The following AOPEP variants were observed in gnomAD, a reference collection of about 807,000 sequenced individuals.
AOPEP encodes the protein aminopeptidase O.
A neutral mutation model predicts 98.1 loss-of-function variants in AOPEP; 77 were observed. The ratio of observed to expected loss-of-function variants is 0.78; its 90% CI spans 0.65 to 0.95. AOPEP has a LOEUF of 0.95. Among genes scored for constraint, AOPEP ranks in the 40% least tolerant of loss-of-function variants. AOPEP has a pLI of 0.00. For missense variants in AOPEP, 1,024 were observed against 1,024.7 expected, an observed-to-expected ratio of 1.00 and a Z score of 0.01; for synonymous variants, 346 against 365.3, an observed-to-expected ratio of 0.95 and a Z score of 0.60.
At chr9:95,095,242 C>T in the AOPEP span, among the ~76,000 whole-genome samples, 50 of 152,274 alleles carry the variant, frequency 3.3e-4, no homozygotes, top group South Asian at 4.8e-3. Context: ...GGCTGTCCTC[C>T]GAAAAGGTGG....
At chr9:94,791,815 A>G (rs1845787398) in intron 3 of AOPEP, among the ~76,000 whole-genome samples, 1 of 152,092 alleles carries the variant, frequency 6.6e-6, no homozygotes, top group Non-Finnish European at 1.5e-5. Flanking sequence ...TTGCACCTGA[A>G]CCTAAAATAA....
intron 13 of AOPEP, 96 bp downstream of exon 13, chr9:95,005,712 A>T (rs1174660675): frequency 7.1e-6 from 7 of 985,320 alleles, no homozygotes; most frequent in Admixed American, 2.0e-5. Context: ...TGTTTAATTT[A>T]AAAAGTTTTT....
chr9:95,020,918 C>CA (rs55696602), intron 13 of AOPEP, among the ~76,000 whole-genome samples: 2,755 of 73,348 alleles, frequency 0.038, 225 homozygotes, highest in African/African-American at 0.13. Context: ...GACCTTGTCT[C>CA]AAAAAAAAAA....
chr9:95,142,675 T>C, the AOPEP span: 6 of 152,324 alleles, frequency 3.9e-5, no homozygotes, highest in South Asian at 1.2e-3. Context: ...CCACTATACT[T>C]ATAAAAGGGA....
intron 5 of AOPEP, among the ~76,000 whole-genome samples, chr9:94,839,499 A>C (rs1564232175): frequency 6.6e-6 from 1 of 152,142 alleles, no homozygotes. Flanking sequence ...CTGGGATTAC[A>C]GCTGTGAGCC....
rs1297581488 is a variant in AOPEP, at chr9:95,083,636, ACACCACACACAGCGCGTG to A, written c.*4+927_*4+944del. The stretch of plus-strand genomic sequence containing the variant: ...AGCGCGCACACTGCATGCAGCACAC[ACACCACACACAGCGCGTG>A]CACCACACAGAGCACCTGCGGCACA... On this transcript the variant is annotated intron_variant, in intron 16 of 16. Transcript: ENST00000375315. Among the ~76,000 whole-genome samples the A allele has an allele frequency of 4.0e-5, 6 of 150,492 alleles. No homozygotes were observed. In the East Asian group the frequency reaches 1.2e-3, roughly 30 times the overall value.
At chr9:94,953,937 T>C (rs2058282117) in intron 7 of AOPEP, among the ~76,000 whole-genome samples, 1 of 152,168 alleles carries the variant, frequency 6.6e-6, no homozygotes, top group African/African-American at 2.4e-5. Context: ...ATTTAAAATA[T>C]TTAAAATTTT....
chr9:95,005,494 T>C, intron 12 of AOPEP, 48 bp from the exon 13 acceptor site: 2 of 1,548,506 alleles, frequency 1.3e-6, no homozygotes, highest in Non-Finnish European at 1.8e-6. Context: ...GGGATGGCCG[T>C]CAGGACCCTG....
At chr9:94,969,539 C>T (rs560031098) in intron 10 of AOPEP, among the ~76,000 whole-genome samples, 1 of 151,786 alleles carries the variant, frequency 6.6e-6, no homozygotes, top group African/African-American at 2.4e-5. Context: ...TCCCGAGTAG[C>T]TGGGACTATA....
chr9:94,772,839 G>T (rs1485990939), intron 2 of AOPEP, among the ~76,000 whole-genome samples, 163 bp from the exon 3 acceptor site: 1 of 152,150 alleles, frequency 6.6e-6, no homozygotes, highest in African/African-American at 2.4e-5. Flanking sequence ...CACATAGCCA[G>T]CCCTTGGCAG....
At chr9:94,862,352 C>A (rs2135445477) in intron 5 of AOPEP, among the ~76,000 whole-genome samples, 1 of 150,034 alleles carries the variant, frequency 6.7e-6, no homozygotes, top group East Asian at 2.0e-4. Flanking sequence ...CAGGGAGGAT[C>A]TGGAGCACAG....
At chr9:95,004,410 G>A in intron 11 of AOPEP, 1 of 396,422 alleles carries the variant, frequency 2.5e-6, no homozygotes, top group Non-Finnish European at 5.1e-6. Context: ...GGGAGCGCGG[G>A]GCTGGGTTTC....
intron 13 of AOPEP, among the ~76,000 whole-genome samples, chr9:95,009,742 C>G (rs1448675391): frequency 6.6e-6 from 1 of 152,074 alleles, no homozygotes; most frequent in Non-Finnish European, 1.5e-5. Flanking sequence ...TTCTTTTCTG[C>G]CAGAACCCAA....
At position 94,760,087 on chromosome 9, in the gene AOPEP, T is replaced by C. The variant is rs767539468; in HGVS notation, c.304T>C (p.Cys102Arg). The C allele has an allele frequency of 6.2e-7, 1 of 1,614,184 alleles. No individual in the cohort carries two copies. Among genetic ancestry groups the C allele is most frequent in the South Asian group, 1.1e-5 (1 of 91,084 alleles). The change falls in exon 2 of 17, where the codon TGT becomes CGT. Residue 102 changes from cysteine (C) to arginine (R), a missense_variant. Around this residue, in one of 3 missense-constraint regions of AOPEP, gnomAD observed 440 missense variants for 433.8 expected, o/e 1.01. Coordinates refer to ENST00000375315, the MANE Select transcript of AOPEP (RefSeq NM_001193329.3). ...AATGGAATATAATGATTTTGCAATC[T>C]GTAGTAAAGGTGAAAAAGATACTTC... is the stretch of plus-strand genomic sequence containing the variant. ...SEMEYNDFAI[C>R]SKGEKDTSDK...
At chr9:94,960,440 A>G (rs1418689403) in intron 9 of AOPEP, among the ~76,000 whole-genome samples, 1 of 151,942 alleles carries the variant, frequency 6.6e-6, no homozygotes, top group Non-Finnish European at 1.5e-5. Context: ...GAGGAATTAA[A>G]TAGTTATGTA....
At chr9:95,032,044 A>G (rs946385755) in intron 13 of AOPEP, among the ~76,000 whole-genome samples, 3 of 152,202 alleles carry the variant, frequency 2.0e-5, no homozygotes, top group African/African-American at 7.2e-5. Flanking sequence ...TACATTAACC[A>G]TAACATGGAA....
the AOPEP span, among the ~76,000 whole-genome samples, chr9:95,124,251 G>A: frequency 1.4e-4 from 21 of 152,098 alleles, no homozygotes; most frequent in Non-Finnish European, 2.9e-4. Flanking sequence ...CACAGGGGCC[G>A]TGACATACTC....
At chr9:94,829,280 A>G (rs1049919168) in intron 5 of AOPEP, among the ~76,000 whole-genome samples, 56 of 152,262 alleles carry the variant, frequency 3.7e-4, no homozygotes, top group African/African-American at 1.3e-3. Flanking sequence ...AGGCCTGTTT[A>G]TTATTTCCTC....
At chr9:94,912,776 T>C (rs1174543234) in intron 5 of AOPEP, among the ~76,000 whole-genome samples, 1 of 152,080 alleles carries the variant, frequency 6.6e-6, no homozygotes, top group Non-Finnish European at 1.5e-5. Flanking sequence ...ACATGGTGCA[T>C]GAAGGTGTAG....
Sources: allele counts gnomAD v4.1 joint callset (sites outside exome capture counted in the v4.1 genomes callset), GRCh38; gene constraint gnomAD v4.1.1; regional missense constraint gnomAD v4.1.1; transcripts MANE v1.5; gene names NCBI Gene and HGNC (gene_info 2026-07-23, HGNC 2026-07-21).